The following SPANXN2 variants were observed in gnomAD, a reference collection of about 807,000 sequenced individuals.
SPANXN2 encodes SPANX family member N2, also known as sperm protein associated with the nucleus on the X chromosome N2.
SPANXN2 carries 1 observed loss-of-function variant against 2.0 expected under a neutral mutation model. That is an observed-to-expected ratio of 0.50 (90% CI 0.18 to 2.36). The LOEUF is 2.36. SPANXN2 is among the 30% of genes most tolerant of loss of function. SPANXN2 has a pLI of 0.26. For missense variants in SPANXN2, 88 were observed against 116.7 expected, an observed-to-expected ratio of 0.75 and a Z score of 1.13; for synonymous variants, 43 against 49.8, an observed-to-expected ratio of 0.86 and a Z score of 0.58.
intron 1 of SPANXN2, among the ~76,000 whole-genome samples, chrX:143,719,606 C>T (rs5908767): frequency 0.073 from 8,175 of 111,983 alleles, 339 homozygotes; most frequent in East Asian, 0.29. Context: ...TCTTCCTTTG[C>T]GGCACAAACT....
chrX:143,714,475 A>C (rs1333994300), intron 1 of SPANXN2, among the ~76,000 whole-genome samples: 1 of 111,335 alleles, frequency 9.0e-6, no homozygotes, highest in Non-Finnish European at 1.9e-5. Flanking sequence ...CCCTCCACCA[A>C]CAAGATGCTG....
At chrX:143,720,321 C>T (rs1353110435) in intron 1 of SPANXN2, among the ~76,000 whole-genome samples, 9 of 105,989 alleles carry the variant, frequency 8.5e-5, no homozygotes, top group Non-Finnish European at 1.7e-4. Flanking sequence ...CAAGAAACAC[C>T]ACAATGACAT....
At chrX:143,719,932 C>G (rs782527683) in intron 1 of SPANXN2, among the ~76,000 whole-genome samples, 195 of 110,355 alleles carry the variant, frequency 1.8e-3, no homozygotes, top group South Asian at 0.016. Flanking sequence ...AAACTCCCCT[C>G]TCCAGGCAGC....
At chrX:143,717,922 A>G (rs1343943711) in intron 1 of SPANXN2, among the ~76,000 whole-genome samples, 2 of 111,539 alleles carry the variant, frequency 1.8e-5, no homozygotes, top group African/African-American at 6.5e-5. Context: ...TACCACCACC[A>G]AAAAGGCACA....
chrX:143,712,521 G>A (rs1341198006), intron 1 of SPANXN2, 22 bp from the exon 2 acceptor site: 1 of 1,189,596 alleles, frequency 8.4e-7, no homozygotes, highest in Admixed American at 2.3e-5. Context: ...ACAGGGAGAG[G>A]CCAGAAAGTC....
chrX:143,712,834 C>A (rs1932191412), intron 1 of SPANXN2, among the ~76,000 whole-genome samples: 1 of 111,841 alleles, frequency 8.9e-6, no homozygotes, highest in South Asian at 3.8e-4. Context: ...ACTAAAGAAA[C>A]ATTCCTATCA....
At chrX:143,713,630 G>T (rs782017240) in intron 1 of SPANXN2, among the ~76,000 whole-genome samples, 17 of 110,918 alleles carry the variant, frequency 1.5e-4, no homozygotes, top group African/African-American at 4.9e-4. Flanking sequence ...CAACTCTCCA[G>T]GTCCCTTCTC....
chrX:143,714,546 C>A (rs1158729977), intron 1 of SPANXN2, among the ~76,000 whole-genome samples: 1 of 111,734 alleles, frequency 8.9e-6, no homozygotes, highest in Non-Finnish European at 1.9e-5. Context: ...AATTATCAGG[C>A]AACTTCAGTA....
intron 1 of SPANXN2, among the ~76,000 whole-genome samples, chrX:143,714,998 C>A (rs1932233782): frequency 9.0e-6 from 1 of 111,525 alleles, no homozygotes; most frequent in African/African-American, 3.3e-5. Context: ...AAAAGCCTAG[C>A]CTAATCCCAG....
chrX:143,717,802 T>A (rs1262370213), intron 1 of SPANXN2, among the ~76,000 whole-genome samples: 2 of 111,811 alleles, frequency 1.8e-5, no homozygotes, highest in East Asian at 5.7e-4. Flanking sequence ...CTGAGGACAC[T>A]TACTAGGGCA....
intron 1 of SPANXN2, among the ~76,000 whole-genome samples, chrX:143,715,806 A>G (rs781805330): frequency 9.0e-6 from 1 of 110,925 alleles, no homozygotes; most frequent in South Asian, 3.9e-4. Context: ...CAAGTCGTTA[A>G]CCAGGCCGTG....
chrX:143,719,357 C>A (rs1315797790), intron 1 of SPANXN2, among the ~76,000 whole-genome samples: 1 of 111,818 alleles, frequency 8.9e-6, no homozygotes, highest in Non-Finnish European at 1.9e-5. Context: ...CTGTCAGGAC[C>A]GCAATGGCTA....
At chrX:143,716,185 C>T (rs193286902) in intron 1 of SPANXN2, among the ~76,000 whole-genome samples, 2 of 110,983 alleles carry the variant, frequency 1.8e-5, no homozygotes, top group African/African-American at 6.6e-5. Context: ...ATTCAACACA[C>T]CACTCAGGTT....
chrX:143,719,156 C>T (rs1421378386), intron 1 of SPANXN2, among the ~76,000 whole-genome samples: 2 of 111,000 alleles, frequency 1.8e-5, no homozygotes, highest in Admixed American at 9.6e-5. Context: ...CACACCGTCA[C>T]ACACAGGGCT....
At chrX:143,712,537 T>G in intron 1 of SPANXN2, 38 bp from the exon 2 acceptor site, 1 of 1,165,165 alleles carries the variant, frequency 8.6e-7, no homozygotes, top group Non-Finnish European at 1.2e-6. Context: ...AAGTCATTAT[T>G]TTGGGTGAAT....
chrX:143,718,304 C>T (rs1222462647), intron 1 of SPANXN2, among the ~76,000 whole-genome samples: 1 of 111,009 alleles, frequency 9.0e-6, no homozygotes, highest in Non-Finnish European at 1.9e-5. Context: ...AATACTTGGC[C>T]GGCGTTACAC....
chrX:143,712,376 G>C, exon 2 of SPANXN2: 1 of 1,212,479 alleles, frequency 8.2e-7, no homozygotes, highest in Non-Finnish European at 1.1e-6. Context: ...TCCTTCTCCA[G>C]TTGATTTGAA....
chrX:143,712,417 A>G, exon 2 of SPANXN2: 1 of 1,212,281 alleles, frequency 8.2e-7, no homozygotes, highest in Non-Finnish European at 1.1e-6. Flanking sequence ...GTAGTAATAC[A>G]CTATTATTGT....
exon 2 of SPANXN2, chrX:143,711,976 TA>T: frequency 8.3e-7 from 1 of 1,206,628 alleles, no homozygotes; most frequent in East Asian, 3.0e-5. Context: ...AACTTGATTT[TA>T]TTGTAATCAT....
Sources: allele counts gnomAD v4.1 joint callset (sites outside exome capture counted in the v4.1 genomes callset), GRCh38; gene constraint gnomAD v4.1.1; transcripts MANE v1.5; gene names NCBI Gene and HGNC (gene_info 2026-07-23, HGNC 2026-07-21).